Variants in PCDHA7 observed in about 807,000 individuals in gnomAD.
PCDHA7 encodes protocadherin alpha-7.
A neutral mutation model predicts 57.2 loss-of-function variants in PCDHA7; 37 were observed. The ratio of observed to expected loss-of-function variants is 0.65; its 90% CI spans 0.50 to 0.85. PCDHA7 has a LOEUF of 0.85. Ranked by LOEUF, PCDHA7 falls within the 40% of genes least tolerant of loss-of-function variation. The pLI is 0.00. For synonymous variants in PCDHA7, 553 were observed against 558.8 expected (o/e 0.99, Z 0.15); for missense variants, 1,188 against 1,241.8 (o/e 0.96, Z 0.65).
intron 1 of PCDHA7, chr5:140,968,410 T>G: frequency 6.2e-7 from 1 of 1,614,040 alleles, no homozygotes. Context: ...TCTTTGTGAC[T>G]GTGGAGGCTC....
intron 1 of PCDHA7, chr5:140,871,710 C>A: frequency 3.6e-6 from 3 of 826,484 alleles, no homozygotes; most frequent in South Asian, 4.5e-5. Flanking sequence ...AATAAATGTC[C>A]TATTTCTCTT....
Position 140,876,962 on chromosome 5 carries a change from G to T in PCDHA7, c.2355+40224G>T, listed in dbSNP as rs375871457. 15 of 1,612,908 alleles carry T rather than the reference G, an allele frequency of 9.3e-6. No homozygotes were observed. The African/African-American group carries it at 1.6e-4, about 17-fold the overall frequency. ...CTGGTGTCCTACTCGCTGGTGGAGCGGCGGGTGGGCGAGCACGCACTGTCG... is the reference window on the plus strand; with the variant it reads ...CTGGTGTCCTACTCGCTGGTGGAGCTGCGGGTGGGCGAGCACGCACTGTCG... On this transcript the variant is annotated intron_variant, in intron 1 of 3. Coordinates refer to ENST00000525929, the MANE Select transcript of PCDHA7 (RefSeq NM_018910.3).
intron 1 of PCDHA7, among the ~76,000 whole-genome samples, chr5:140,941,221 TTC>T (rs1217645089): frequency 7.6e-6 from 1 of 131,640 alleles, no homozygotes; most frequent in African/African-American, 3.0e-5. Flanking sequence ...CTTCCTTTCT[TTC>T]TTTCTTTCTT....
chr5:140,965,283 A>G (rs1342044804), intron 1 of PCDHA7, among the ~76,000 whole-genome samples: 1 of 152,200 alleles, frequency 6.6e-6, no homozygotes, highest in Non-Finnish European at 1.5e-5. Context: ...CACAGCATGG[A>G]AAGATTTCCT....
rs527332783 is a variant in PCDHA7, at chr5:140,855,952, A to G, written c.2355+19214A>G. Reference sequence around the variant, plus strand: ...TCATTCTGAGATCTCAGCCATTTCGATAAAAAATAGATATAAGAAATAGGA... The same window carrying G: ...TCATTCTGAGATCTCAGCCATTTCGGTAAAAAATAGATATAAGAAATAGGA... On this transcript the variant is annotated intron_variant, in intron 1 of 3. Transcript: ENST00000525929. The G allele has an allele frequency of 2.9e-6, 4 of 1,380,786 alleles. No individual in the cohort carries two copies. The African/African-American group carries it at 5.8e-5, about 20-fold the overall frequency. The allele number at this position is 1,380,786 out of a possible 1,614,324, so 85.5% of individuals were successfully genotyped here.
chr5:140,880,407 C>T (rs1198132829), intron 1 of PCDHA7, among the ~76,000 whole-genome samples: 1 of 152,128 alleles, frequency 6.6e-6, no homozygotes, highest in Non-Finnish European at 1.5e-5. Context: ...ATATGGTTGA[C>T]CTTAAAAGCG....
chr5:140,916,612 G>A (rs1256459125), intron 1 of PCDHA7, among the ~76,000 whole-genome samples: 3 of 152,144 alleles, frequency 2.0e-5, no homozygotes, highest in African/African-American at 7.2e-5. Flanking sequence ...CGGGCCTCAT[G>A]ACTCTACTCA....
At chr5:140,965,403 T>G (rs1241477329) in intron 1 of PCDHA7, among the ~76,000 whole-genome samples, 1 of 151,946 alleles carries the variant, frequency 6.6e-6, no homozygotes, top group Admixed American at 6.6e-5. Flanking sequence ...GTCTAAGGAG[T>G]CTTATATTTA....
chr5:140,989,696 T>G (rs1554251011), intron 3 of PCDHA7, among the ~76,000 whole-genome samples: 1 of 152,216 alleles, frequency 6.6e-6, no homozygotes, highest in African/African-American at 2.4e-5. Flanking sequence ...CGTGAAAATT[T>G]TATCTTCAGA....
intron 1 of PCDHA7, chr5:140,856,334 G>A: frequency 1.3e-6 from 2 of 1,598,614 alleles, no homozygotes; most frequent in Non-Finnish European, 1.7e-6. Context: ...GGAGCTGTGC[G>A]GGCGGAGCGT....
chr5:140,855,468 T>C (rs1160317208), intron 1 of PCDHA7, among the ~76,000 whole-genome samples: 1 of 149,888 alleles, frequency 6.7e-6, no homozygotes, highest in Non-Finnish European at 1.5e-5. Context: ...TCACAGATAG[T>C]TGATGCTTGA....
At chr5:140,997,406 C>T (rs2097769706) in intron 3 of PCDHA7, among the ~76,000 whole-genome samples, 1 of 152,094 alleles carries the variant, frequency 6.6e-6, no homozygotes, top group Admixed American at 6.6e-5. Flanking sequence ...TATCGTATGG[C>T]CTATTTCTCC....
intron 1 of PCDHA7, among the ~76,000 whole-genome samples, chr5:140,921,353 A>T (rs943655623): frequency 6.6e-6 from 1 of 152,160 alleles, no homozygotes; most frequent in Non-Finnish European, 1.5e-5. Context: ...ATATTTGCCT[A>T]TATTCAAGTT....
chr5:140,973,586 C>A (rs1207651483), intron 1 of PCDHA7, among the ~76,000 whole-genome samples: 1 of 152,176 alleles, frequency 6.6e-6, no homozygotes, highest in Non-Finnish European at 1.5e-5. Flanking sequence ...GACTGCTGAG[C>A]CAGATGGAAT....
intron 1 of PCDHA7, among the ~76,000 whole-genome samples, chr5:140,975,683 G>A (rs1226769029): frequency 2.0e-5 from 3 of 151,934 alleles, no homozygotes; most frequent in Non-Finnish European, 2.9e-5. Context: ...AATAAAATAG[G>A]GTATTTTAAA....
chr5:140,927,733 C>T (rs782446148), intron 1 of PCDHA7: 7 of 1,614,198 alleles, frequency 4.3e-6, no homozygotes, highest in South Asian at 2.2e-5. Context: ...AGCAGAGCTG[C>T]GACACCGCTT....
Position 140,836,228 on chromosome 5 carries a change from G to A in PCDHA7, c.1845G>A (p.Ala615=), listed in dbSNP as rs2150255962. The change falls in exon 1 of 4, where the codon GCG becomes GCA. Residue 615 remains alanine (A), a synonymous_variant. Coordinates refer to ENST00000525929, the MANE Select transcript of PCDHA7 (RefSeq NM_018910.3). ...AWLSYELQPV[A]AGASIPFRVG... The stretch of plus-strand genomic sequence containing the variant: ...TTTCGTATGAGTTGCAACCGGTGGC[G>A]GCCGGTGCGAGCATCCCGTTCCGCG... 1.2e-6 allele frequency: 2 copies of A among 1,613,770 alleles called. No homozygotes were observed. Among genetic ancestry groups the A allele is most frequent in the Admixed American group, 1.7e-5 (1 of 60,018 alleles).
chr5:140,953,293 G>A (rs1410676265), intron 1 of PCDHA7, among the ~76,000 whole-genome samples: 3 of 152,084 alleles, frequency 2.0e-5, no homozygotes, highest in Admixed American at 2.0e-4. Context: ...GTGATTCAGG[G>A]ACGGCAGAGA....
intron 1 of PCDHA7, chr5:140,847,470 C>A (rs972055023): frequency 6.7e-6 from 1 of 149,674 alleles, no homozygotes; most frequent in Non-Finnish European, 1.5e-5. Context: ...TCGACTTGGA[C>A]GTTGGAATAA....
Sources: gnomAD v4.1 joint callset for allele counts (sites outside exome capture counted in the v4.1 genomes callset) on GRCh38, gnomAD v4.1.1 for gene constraint, MANE v1.5 for transcripts, NCBI Gene and HGNC (gene_info 2026-07-23, HGNC 2026-07-21) for gene names.